NMU: variants seen among roughly 807,000 people sequenced by gnomAD.
NMU encodes the protein neuromedin U.
In NMU, 29 loss-of-function variants were observed where a neutral mutation model predicts 35.4. The ratio of observed to expected loss-of-function variants is 0.82; its 90% confidence interval spans 0.61 to 1.12. The LOEUF is 1.12. Ranked by LOEUF, NMU falls within the 50% of genes most tolerant of loss-of-function variation. NMU has a pLI of 0.00. For missense variants in NMU, 199 were observed against 206.2 expected (o/e 0.97, Z 0.21); for synonymous variants, 78 against 81.3 (o/e 0.96, Z 0.22).
intron 7 of NMU, among the ~76,000 whole-genome samples, chr4:55,604,491 A>G (rs897322910): frequency 4.6e-5 from 7 of 150,738 alleles, no homozygotes; most frequent in Admixed American, 4.0e-4. Flanking sequence ...AACAAAGTAT[A>G]TATATTTAGT....
intron 3 of NMU, among the ~76,000 whole-genome samples, chr4:55,614,754 G>C (rs3805388): frequency 0.18 from 26,781 of 152,040 alleles, 2,497 homozygotes; most frequent in South Asian, 0.23. Flanking sequence ...CATCCTCTTA[G>C]TACTAAAGAA....
rs1040655336 is a variant in NMU at position 55,636,166 on chromosome 4, G to A, written c.27C>T (p.Pro9=). 1 of 1,511,412 alleles carries A rather than the reference G, an allele frequency of 6.6e-7. No homozygotes were observed. Among genetic ancestry groups the A allele is most frequent in the Admixed American group, 2.1e-5 (1 of 48,162 alleles). 93.6% of individuals were successfully genotyped at this position (1,511,412 alleles called of 1,614,324 possible). Reference sequence around the variant, plus strand: ...CGGCCACCTGTCCGGCGGGCGACCTGGGGCGGCAGCTCTCTGTTCGCAGCA... The same window carrying A: ...CGGCCACCTGTCCGGCGGGCGACCTAGGGCGGCAGCTCTCTGTTCGCAGCA... MLRTESCR[P]RSPAGQVAAA... Residue 9 remains proline (P), a synonymous_variant, in exon 1 of 10, where the codon CCC becomes CCT. Transcript: ENST00000264218. This position sits in a 1 kb window ranked among gnomAD's most constrained non-coding sequence, Gnocchi z 4.0.
intron 9 of NMU, among the ~76,000 whole-genome samples, chr4:55,595,639 A>ATTTT (rs1298417174): frequency 4.5e-5 from 4 of 89,582 alleles, no homozygotes; most frequent in Non-Finnish European, 8.5e-5. Flanking sequence ...ATATATATAT[A>ATTTT]TATATTTTTT....
intron 7 of NMU, 96 bp downstream of exon 7, chr4:55,605,179 A>C (rs1307874345): frequency 1.2e-6 from 1 of 852,624 alleles, no homozygotes; most frequent in Non-Finnish European, 2.1e-6. Context: ...GCTTATCCTG[A>C]AGAGCAGCAT....
intron 9 of NMU, among the ~76,000 whole-genome samples, 156 bp downstream of exon 9, chr4:55,598,986 T>C (rs535484829): frequency 6.6e-6 from 1 of 152,230 alleles, no homozygotes; most frequent in Non-Finnish European, 1.5e-5. Context: ...AGTATTTATA[T>C]GGAACATTCA....
chr4:55,606,842 T>G (rs553504315), intron 6 of NMU, among the ~76,000 whole-genome samples: 30 of 152,218 alleles, frequency 2.0e-4, no homozygotes, highest in African/African-American at 6.0e-4. Context: ...CACACCTGGC[T>G]AATTTTTGTA....
intron 2 of NMU, among the ~76,000 whole-genome samples, chr4:55,625,807 G>T (rs1214110812): frequency 2.0e-5 from 3 of 151,140 alleles, no homozygotes; most frequent in Non-Finnish European, 4.4e-5. Context: ...ACTGTCCATT[G>T]AGACCTATCC....
At chr4:55,596,978 A>G (rs1206553742) in intron 9 of NMU, among the ~76,000 whole-genome samples, 1 of 152,204 alleles carries the variant, frequency 6.6e-6, no homozygotes, top group Non-Finnish European at 1.5e-5. Flanking sequence ...TTTTACCAAA[A>G]GCATCTGTTG....
chr4:55,597,116 A>G (rs1733214924), intron 9 of NMU, among the ~76,000 whole-genome samples: 1 of 152,120 alleles, frequency 6.6e-6, no homozygotes, highest in Non-Finnish European at 1.5e-5. Context: ...ACTGATGAAT[A>G]CTGTTTAATA....
intron 2 of NMU, among the ~76,000 whole-genome samples, chr4:55,626,563 C>T (rs983179143): frequency 1.3e-5 from 2 of 152,108 alleles, no homozygotes; most frequent in African/African-American, 2.4e-5. Flanking sequence ...AAAAATTAGC[C>T]GGCCGTGGTG....
chr4:55,604,679 A>ATTTTTTTTTT (rs767568542), intron 7 of NMU, among the ~76,000 whole-genome samples: 1,220 of 47,564 alleles, frequency 0.026, 191 homozygotes, highest in African/African-American at 0.073. Context: ...TGCCTGGCTA[A>ATTTTTTTTTT]TTTTTTTTTT....
chr4:55,628,404 G>A (rs145631716), intron 2 of NMU, among the ~76,000 whole-genome samples: 8 of 151,858 alleles, frequency 5.3e-5, no homozygotes, highest in African/African-American at 1.7e-4. Context: ...TACTACCAGC[G>A]CTTAACTTAC....
At chr4:55,625,216 C>T (rs1418030700) in intron 2 of NMU, among the ~76,000 whole-genome samples, 1 of 146,478 alleles carries the variant, frequency 6.8e-6, no homozygotes, top group African/African-American at 2.5e-5. Flanking sequence ...CCTGAGTCAC[C>T]TTGCCCAGCT....
chr4:55,599,661 G>A, intron 8 of NMU, among the ~76,000 whole-genome samples: 1 of 152,026 alleles, frequency 6.6e-6, no homozygotes, highest in East Asian at 1.9e-4. Context: ...AGCCTTTAGT[G>A]TAAAGCTGAA....
chr4:55,600,468 A>C (rs1478339131), intron 8 of NMU, 54 bp downstream of exon 8: 1 of 1,145,720 alleles, frequency 8.7e-7, no homozygotes, highest in African/African-American at 1.5e-5. Context: ...CACAGGGAAC[A>C]TATTTTTAAA....
chr4:55,613,220 G>T (rs560262743), intron 3 of NMU, among the ~76,000 whole-genome samples: 31 of 152,170 alleles, frequency 2.0e-4, no homozygotes, highest in Admixed American at 3.9e-4. Flanking sequence ...TATTACCTGG[G>T]TGATGAAATA....
At chr4:55,616,302 C>T (rs1734106523) in intron 3 of NMU, 36 bp downstream of exon 3, 2 of 1,526,690 alleles carry the variant, frequency 1.3e-6, no homozygotes, top group Non-Finnish European at 1.8e-6. Context: ...TACACAAACA[C>T]CTACATTATT....
chr4:55,628,204 A>C (rs1734609768), intron 2 of NMU, among the ~76,000 whole-genome samples: 1 of 152,176 alleles, frequency 6.6e-6, no homozygotes, highest in South Asian at 2.1e-4. Flanking sequence ...CAAGCCATAC[A>C]ATTCACCCAT....
intron 3 of NMU, 58 bp downstream of exon 3, chr4:55,616,280 G>C: frequency 1.7e-6 from 2 of 1,203,598 alleles, no homozygotes; most frequent in Admixed American, 3.4e-5. Context: ...CAGCAATGGA[G>C]AGTTTAAGCA....
Sources: gnomAD v4.1 joint callset for allele counts (sites outside exome capture counted in the v4.1 genomes callset) on GRCh38, gnomAD v4.1.1 for gene constraint, Gnocchi (gnomAD v3.1) non-coding constraint, MANE v1.5 for transcripts, NCBI Gene and HGNC (gene_info 2026-07-23, HGNC 2026-07-21) for gene names.